The following CSGALNACT1 variants were observed in gnomAD, a reference collection of about 807,000 sequenced individuals.
CSGALNACT1 encodes beta4GalNAcT-1.
Under a neutral mutation model 51.0 loss-of-function variants are expected in CSGALNACT1, and 52 were observed. The observed-to-expected ratio is 1.02, with a 90% confidence interval of 0.82 to 1.29. The LOEUF (loss-of-function observed/expected upper bound fraction) is 1.29. CSGALNACT1 is among the 50% of genes most tolerant of loss of function. The pLI, the probability that CSGALNACT1 is intolerant of heterozygous loss-of-function variation, is 0.00. For missense variants in CSGALNACT1, 935 were observed against 679.2 expected, an observed-to-expected ratio of 1.38 and a Z score of -4.19; for synonymous variants, 341 against 254.4, an observed-to-expected ratio of 1.34 and a Z score of -3.24.
intron 3 of CSGALNACT1, among the ~76,000 whole-genome samples, chr8:19,534,391 C>A (rs995214424): frequency 6.6e-6 from 1 of 151,958 alleles, no homozygotes; most frequent in Admixed American, 6.6e-5. Context: ...GCAGAGGCTG[C>A]AGTGAGCTGA....
At chr8:19,407,290 C>T (rs1429449962) in intron 9 of CSGALNACT1, among the ~76,000 whole-genome samples, 2 of 152,088 alleles carry the variant, frequency 1.3e-5, no homozygotes, top group East Asian at 1.9e-4. Context: ...TACCCCTCGT[C>T]CCTGATTTTA....
At chr8:19,551,119 T>C (rs1236706246) in intron 3 of CSGALNACT1, among the ~76,000 whole-genome samples, 1 of 152,002 alleles carries the variant, frequency 6.6e-6, no homozygotes, top group East Asian at 1.9e-4. Flanking sequence ...GAGTTTGTTT[T>C]GCAGAACAAT....
intron 3 of CSGALNACT1, among the ~76,000 whole-genome samples, chr8:19,551,757 T>A (rs966851673): frequency 1.3e-5 from 2 of 152,180 alleles, no homozygotes; most frequent in Non-Finnish European, 2.9e-5. Context: ...CTCCCAAAAA[T>A]TTGTTGACAT....
At chr8:19,406,595 C>T (rs992132828) in intron 9 of CSGALNACT1, among the ~76,000 whole-genome samples, 14 of 118,110 alleles carry the variant, frequency 1.2e-4, no homozygotes, top group Admixed American at 6.3e-4. Flanking sequence ...CATAAACATG[C>T]GCATAATAAT....
chr8:19,515,450 T>A (rs1563845084), intron 3 of CSGALNACT1, among the ~76,000 whole-genome samples: 1 of 152,154 alleles, frequency 6.6e-6, no homozygotes, highest in East Asian at 1.9e-4. Context: ...AGTCAGGAAT[T>A]CCCTAGTTGG....
At chr8:19,671,638 C>G (rs2059801566) in intron 1 of CSGALNACT1, among the ~76,000 whole-genome samples, 1 of 151,950 alleles carries the variant, frequency 6.6e-6, no homozygotes, top group African/African-American at 2.4e-5. Flanking sequence ...GAGAGAAACA[C>G]AAAAGTCATT....
intron 4 of CSGALNACT1, among the ~76,000 whole-genome samples, chr8:19,459,989 C>G (rs1161787424): frequency 6.6e-6 from 1 of 152,156 alleles, no homozygotes; most frequent in Non-Finnish European, 1.5e-5. Flanking sequence ...TCCCTAGGGT[C>G]TAGGTGACAG....
chr8:19,481,239 A>G (rs1048624505), intron 4 of CSGALNACT1, among the ~76,000 whole-genome samples: 2 of 152,050 alleles, frequency 1.3e-5, no homozygotes, highest in African/African-American at 4.8e-5. Context: ...CCTTGTGCCC[A>G]TCGACCTCTG....
chr8:19,441,757 G>A (rs1010382529), intron 5 of CSGALNACT1, among the ~76,000 whole-genome samples: 6 of 151,758 alleles, frequency 4.0e-5, no homozygotes, highest in African/African-American at 1.4e-4. Flanking sequence ...CACAGCAAAA[G>A]AAACTACCAT....
At chr8:19,657,393 G>C (rs540566721) in intron 1 of CSGALNACT1, among the ~76,000 whole-genome samples, 1 of 152,196 alleles carries the variant, frequency 6.6e-6, no homozygotes, top group African/African-American at 2.4e-5. Context: ...GGCAAGATGT[G>C]AAGAAATAAT....
At chr8:19,612,946 G>GA (rs1165754811) in intron 1 of CSGALNACT1, among the ~76,000 whole-genome samples, 1,506 of 15,390 alleles carry the variant, frequency 0.098, 620 homozygotes, top group Non-Finnish European at 0.16. Flanking sequence ...AAAGCAGCTG[G>GA]AAAAAAAAAA....
chr8:19,422,677 G>A (rs1004020525), intron 6 of CSGALNACT1, among the ~76,000 whole-genome samples: 5 of 152,186 alleles, frequency 3.3e-5, no homozygotes, highest in South Asian at 2.1e-4. Context: ...TCAAGGACAC[G>A]CTATCCTCCC....
intron 4 of CSGALNACT1, among the ~76,000 whole-genome samples, chr8:19,488,696 C>G (rs943395365): frequency 1.1e-4 from 17 of 152,014 alleles, no homozygotes; most frequent in African/African-American, 4.1e-4. Flanking sequence ...TTTATTGGGC[C>G]AGGCACTGCT....
At chr8:19,681,352 G>C (rs981875829) in intron 1 of CSGALNACT1, among the ~76,000 whole-genome samples, 1 of 152,182 alleles carries the variant, frequency 6.6e-6, no homozygotes, top group African/African-American at 2.4e-5. Flanking sequence ...ATCCATAAAT[G>C]CAGCGGGAGA....
chr8:19,411,571 C>G (rs2055745639), intron 8 of CSGALNACT1, among the ~76,000 whole-genome samples: 2 of 152,178 alleles, frequency 1.3e-5, no homozygotes, highest in Non-Finnish European at 2.9e-5. Context: ...GTGAGAACCT[C>G]TCAGAATCCT....
At chr8:19,505,594 G>C in exon 4 of CSGALNACT1, 5 of 1,614,092 alleles carry the variant, frequency 3.1e-6, no homozygotes, top group Non-Finnish European at 4.2e-6. Context: ...TCCTTGAGCT[G>C]TGCGATCTGC....
chr8:19,523,132 T>C (rs1302380406), intron 3 of CSGALNACT1, among the ~76,000 whole-genome samples: 1 of 152,240 alleles, frequency 6.6e-6, no homozygotes, highest in East Asian at 1.9e-4. Context: ...CCATCTCACG[T>C]AACAGTGACC....
intron 6 of CSGALNACT1, among the ~76,000 whole-genome samples, chr8:19,435,532 GT>G (rs2060250215): frequency 6.6e-6 from 1 of 151,666 alleles, no homozygotes. Context: ...CTCCAAGCGA[GT>G]ATCTAAAGCA....
chr8:19,503,882 C>G (rs1211304649), intron 4 of CSGALNACT1, among the ~76,000 whole-genome samples: 1 of 151,500 alleles, frequency 6.6e-6, no homozygotes, highest in Non-Finnish European at 1.5e-5. Flanking sequence ...ATTGCATCAA[C>G]TTATGGTTCA....
Sources: allele counts gnomAD v4.1 joint callset (sites outside exome capture counted in the v4.1 genomes callset), GRCh38; gene constraint gnomAD v4.1.1; transcripts MANE v1.5; gene names NCBI Gene and HGNC (gene_info 2026-07-23, HGNC 2026-07-21).